The following ESPNL variants were observed in gnomAD, a reference collection of about 807,000 sequenced individuals.
ESPNL encodes the protein espin like, also known as espin-like protein.
ESPNL carries 49 observed loss-of-function variants against 46.8 expected under a neutral mutation model. The ratio of observed to expected loss-of-function variants is 1.05; its 90% CI spans 0.83 to 1.33. The LOEUF (loss-of-function observed/expected upper bound fraction) is 1.33. ESPNL is among the 40% of genes most tolerant of loss of function. ESPNL has a pLI of 0.00. For synonymous variants in ESPNL, 664 were observed against 662.1 expected (o/e 1.00, Z -0.04); for missense variants, 1,540 against 1,436.6 (o/e 1.07, Z -1.16).
intron 5 of ESPNL, among the ~76,000 whole-genome samples, chr2:238,117,443 A>T (rs1691841455): frequency 6.6e-6 from 1 of 151,212 alleles, no homozygotes; most frequent in Non-Finnish European, 1.5e-5. Flanking sequence ...TCTGTGACTC[A>T]AGAGCCTCGG....
intron 6 of ESPNL, among the ~76,000 whole-genome samples, chr2:238,126,947 C>CTA (rs143078632): frequency 0.84 from 125,642 of 149,818 alleles, 52,715 homozygotes; most frequent in African/African-American, 0.85. Context: ...GTGTGTGTCA[C>CTA]TGTTATTGTG....
chr2:238,115,052 G>A lies in ESPNL; in HGVS notation c.856-1851G>A, dbSNP rs78232298. On this transcript the variant is annotated intron_variant, in intron 4 of 8. Coordinates refer to ENST00000343063, the MANE Select transcript of ESPNL (RefSeq NM_194312.4). Reference sequence around the variant, plus strand: ...TCTGCGGTTCTGGCGCTGGTCTTGCGGCGGTTCTGGCTCCGGTCTTGCGGT... The same window carrying A: ...TCTGCGGTTCTGGCGCTGGTCTTGCAGCGGTTCTGGCTCCGGTCTTGCGGT... 5.0e-3 allele frequency among the ~76,000 whole-genome samples: 760 copies of A among 152,322 alleles called. 5 individuals are homozygous for A. Among genetic ancestry groups the A allele is most frequent in the African/African-American group, 0.017 (709 of 41,572 alleles).
chr2:238,102,434 C>T (rs1313481022), intron 2 of ESPNL, among the ~76,000 whole-genome samples: 1 of 152,110 alleles, frequency 6.6e-6, no homozygotes, highest in African/African-American at 2.4e-5. Context: ...GCAGCTCTGG[C>T]CCCACCTGGG....
intron 3 of ESPNL, among the ~76,000 whole-genome samples, chr2:238,106,658 T>G (rs1418987342): frequency 6.6e-6 from 1 of 152,218 alleles, no homozygotes; most frequent in Non-Finnish European, 1.5e-5. Flanking sequence ...AAACTATGCC[T>G]GGCTCCTGGG....
chr2:238,130,697 G>C lies in ESPNL; in HGVS notation c.1983G>C (p.Ser661=), dbSNP rs761774347. 1.6e-5 allele frequency: 25 copies of C among 1,564,616 alleles called. No individual in the cohort carries two copies. The East Asian group carries it at 4.9e-4, about 31-fold the overall frequency. Residue 661 remains serine (S), a synonymous_variant, in exon 9 of 9, where the codon TCG becomes TCC. Coordinates refer to ENST00000343063, the MANE Select transcript of ESPNL (RefSeq NM_194312.4). The part of the protein sequence containing the change: ...SVRTLRGNFE[S]ASGPLCGFNP... ...GGACGCTGCGGGGCAACTTCGAGTC[G>C]GCCTCTGGCCCACTCTGTGGCTTCA...
At chr2:238,101,765 C>G (rs977413074) in intron 1 of ESPNL, among the ~76,000 whole-genome samples, 176 bp from the exon 2 acceptor site, 1 of 152,060 alleles carries the variant, frequency 6.6e-6, no homozygotes, top group Non-Finnish European at 1.5e-5. Flanking sequence ...ACCTCAGTCC[C>G]AGCAGGGAGC....
intron 5 of ESPNL, among the ~76,000 whole-genome samples, chr2:238,119,785 C>T (rs1691945884): frequency 6.6e-6 from 1 of 152,074 alleles, no homozygotes; most frequent in Non-Finnish European, 1.5e-5. Context: ...ACCCCCCAAA[C>T]CCTTTGTCTC....
chr2:238,119,655 C>A (rs968376829), intron 5 of ESPNL, among the ~76,000 whole-genome samples: 2 of 151,886 alleles, frequency 1.3e-5, no homozygotes, highest in African/African-American at 2.4e-5. Context: ...ATCCCTCTAA[C>A]CTAGCTCGGT....
chr2:238,123,746 G>A (rs1170569744), intron 5 of ESPNL, among the ~76,000 whole-genome samples: 1 of 152,202 alleles, frequency 6.6e-6, no homozygotes, highest in East Asian at 1.9e-4. Context: ...TCCGGGGCTG[G>A]GGCTGGGCGG....
intron 4 of ESPNL, among the ~76,000 whole-genome samples, chr2:238,113,448 T>G (rs1370694158): frequency 6.6e-6 from 1 of 152,240 alleles, no homozygotes; most frequent in Non-Finnish European, 1.5e-5. Flanking sequence ...AGCACAGTTG[T>G]TTTTTGTCTG....
chr2:238,130,794 C>A lies in ESPNL; in HGVS notation c.2080C>A (p.Pro694Thr). Residue 694 changes from proline to threonine, a missense_variant, in exon 9 of 9, where the codon CCC (proline) becomes ACC (threonine). Pro to Thr is a conservative substitution (Grantham distance 38). Transcript: ENST00000343063. The stretch of plus-strand genomic sequence containing the variant: ...TGGCTGCTGGCCAGCCCTGCCTAAG[C>A]CCCGCAGTGGCCTGGCTTCAGGGGA... ...LSGCWPALPK[P>T]RSGLASGEPR... 1 of 1,544,214 alleles carries A rather than the reference C, an allele frequency of 6.5e-7. No individual in the cohort carries two copies. The highest frequency in any genetic ancestry group is 8.7e-7 in the Non-Finnish European group (1 of 1,149,228).
At chr2:238,106,417 T>C (rs1691600111) in intron 3 of ESPNL, among the ~76,000 whole-genome samples, 5 of 152,220 alleles carry the variant, frequency 3.3e-5, no homozygotes. Flanking sequence ...CTGCCCACTT[T>C]GTCCCCAAGG....
At chr2:238,107,444 C>T (rs1469612093) in intron 3 of ESPNL, among the ~76,000 whole-genome samples, 1 of 152,014 alleles carries the variant, frequency 6.6e-6, no homozygotes. Flanking sequence ...CCTCCCCGCC[C>T]CTCCCTCCCT....
At chr2:238,105,152 C>T (rs115846308) in intron 3 of ESPNL, among the ~76,000 whole-genome samples, 2,108 of 152,222 alleles carry the variant, frequency 0.014, 44 homozygotes, top group African/African-American at 0.048. Flanking sequence ...GGTGGTGGCC[C>T]GGGTGCTTTG....
rs1692369812 is a variant in ESPNL, at chr2:238,132,654, T to A, written c.*922T>A. The stretch of plus-strand genomic sequence containing the variant: ...GGAGGGAGGGATACAGGAAGGGAGA[T>A]GGATTCCGTCCTCGGGGGCTCTGGG... On this transcript the variant is annotated 3_prime_UTR_variant, in exon 9 of 9. Coordinates refer to ENST00000343063, the MANE Select transcript of ESPNL (RefSeq NM_194312.4). The A allele has an allele frequency of 6.5e-6, 1 of 152,784 alleles. No homozygotes were observed. Among genetic ancestry groups the A allele is most frequent in the Non-Finnish European group, 1.5e-5 (1 of 68,442 alleles). 9.5% of individuals were successfully genotyped at this position (152,784 alleles called of 1,614,324 possible).
At chr2:238,116,310 A>G (rs1477479868) in intron 4 of ESPNL, among the ~76,000 whole-genome samples, 2 of 152,134 alleles carry the variant, frequency 1.3e-5, no homozygotes, top group Non-Finnish European at 2.9e-5. Flanking sequence ...AGAGCCCATC[A>G]GGTACAAGGA....
At position 238,130,563 on chromosome 2, in the gene ESPNL, G is replaced by A. The variant is rs754253280; in HGVS notation, c.1849G>A (p.Asp617Asn). The A allele has an allele frequency of 1.3e-6, 2 of 1,584,930 alleles. No homozygotes were observed. Among genetic ancestry groups the A allele is most frequent in the Admixed American group, 1.8e-5 (1 of 55,244 alleles). Reference sequence around the variant, plus strand: ...GGGCGTGCATGGGCTAGTACAGGGGGATGAGAAGCCATCCACCCGGCCCCT... The same window carrying A: ...GGGCGTGCATGGGCTAGTACAGGGGAATGAGAAGCCATCCACCCGGCCCCT... ...LKGVHGLVQG[D>N]EKPSTRPLQD... The change falls in exon 9 of 9, where the codon GAT becomes AAT. Residue 617 changes from aspartate to asparagine, a missense_variant. Asp to Asn is a conservative substitution (Grantham distance 23). Coordinates refer to ENST00000343063, the MANE Select transcript of ESPNL (RefSeq NM_194312.4).
Position 238,102,021 on chromosome 2 carries a change from C to T in ESPNL, c.375C>T (p.His125=), listed in dbSNP as rs752786261. 32 of 1,607,126 alleles carry T rather than the reference C, an allele frequency of 2.0e-5. No homozygotes were observed. Among genetic ancestry groups the T allele is most frequent in the Admixed American group, 1.0e-4 (6 of 59,740 alleles). ...GHPVLVEWLL[H]EGHSATLETR... is the part of the protein sequence containing the mutation. ...CAGTGCTGGTGGAGTGGCTGCTCCA[C>T]GAGGGCCACTCGGCCACGCTAGAGA... The change falls in exon 2 of 9, where the codon CAC becomes CAT. Residue 125 remains histidine, a synonymous_variant. Transcript: ENST00000343063.
intron 3 of ESPNL, among the ~76,000 whole-genome samples, chr2:238,106,544 C>T (rs927971252): frequency 7.2e-5 from 11 of 152,246 alleles, no homozygotes; most frequent in African/African-American, 2.7e-4. Context: ...CCTGCTGGAG[C>T]AGCCTACCCC....
Sources: gnomAD v4.1 joint callset for allele counts (sites outside exome capture counted in the v4.1 genomes callset) on GRCh38, gnomAD v4.1.1 for gene constraint, MANE v1.5 for transcripts, NCBI Gene and HGNC (gene_info 2026-07-23, HGNC 2026-07-21) for gene names.